Variants in MPRIP observed in about 807,000 individuals in gnomAD.
The protein encoded by MPRIP is myosin phosphatase Rho-interacting protein.
MPRIP carries 59 observed loss-of-function variants against 234.9 expected under a neutral mutation model. That is an observed-to-expected ratio of 0.25 (90% confidence interval 0.20 to 0.31). MPRIP has a LOEUF of 0.31. MPRIP is among the 10% of genes least tolerant of loss of function. The pLI, the probability that MPRIP is intolerant of heterozygous loss-of-function variation, is 1.00. For missense variants in MPRIP, 2,436 were observed against 3,071.0 expected (o/e 0.79, Z 4.89); for synonymous variants, 1,144 against 1,263.9 (o/e 0.91, Z 2.01).
At chr17:17,137,139 G>A (rs2090717648) in intron 6 of MPRIP, among the ~76,000 whole-genome samples, 1 of 152,136 alleles carries the variant, frequency 6.6e-6, no homozygotes, top group Non-Finnish European at 1.5e-5. Context: ...CTTCCTCTCA[G>A]GCCTATCCAT....
chr17:17,067,726 G>T (rs1656135177), intron 1 of MPRIP, among the ~76,000 whole-genome samples: 1 of 150,004 alleles, frequency 6.7e-6, no homozygotes. Flanking sequence ...TTTGGTTTTG[G>T]TGTCAGGGTA....
At chr17:17,157,995 G>C (rs914688794) in intron 13 of MPRIP, among the ~76,000 whole-genome samples, 1 of 152,196 alleles carries the variant, frequency 6.6e-6, no homozygotes, top group African/African-American at 2.4e-5. Context: ...CCCAGGTGCA[G>C]CCTAATGTAG....
At chr17:17,148,423 G>A (rs2045525977) in intron 11 of MPRIP, among the ~76,000 whole-genome samples, 1 of 152,182 alleles carries the variant, frequency 6.6e-6, no homozygotes, top group Non-Finnish European at 1.5e-5. Flanking sequence ...GGGAGGTAAA[G>A]CCACTAGCAC....
At chr17:17,069,845 G>A (rs1035290602) in intron 1 of MPRIP, among the ~76,000 whole-genome samples, 2 of 151,964 alleles carry the variant, frequency 1.3e-5, no homozygotes, top group Non-Finnish European at 2.9e-5. Flanking sequence ...ATTTTACTGT[G>A]TTCTTTCTTC....
intron 1 of MPRIP, among the ~76,000 whole-genome samples, chr17:17,065,437 G>A (rs1597738603): frequency 1.6e-5 from 2 of 124,618 alleles, no homozygotes; most frequent in African/African-American, 6.1e-5. Context: ...ACCATTTGTT[G>A]AAAGACTGTA....
At chr17:17,143,771 CTG>C in intron 9 of MPRIP, 102 bp downstream of exon 9, 3 of 682,766 alleles carry the variant, frequency 4.4e-6, no homozygotes, top group Non-Finnish European at 7.0e-6. Flanking sequence ...AGCTGTCCCT[CTG>C]TGCACAGGCC....
At chr17:17,172,961 C>CACCAGGAGCCAGGCAGCCGG (rs1597508852) in intron 18 of MPRIP, 146 bp downstream of exon 18, 1 of 657,384 alleles carries the variant, frequency 1.5e-6, no homozygotes, top group East Asian at 2.7e-5. Flanking sequence ...CTCAGATGCC[C>CACCAGGAGCCAGGCAGCCGG]TCTTGTCCAG....
chr17:17,136,675 G>A (rs2090707801), intron 6 of MPRIP, among the ~76,000 whole-genome samples: 1 of 152,232 alleles, frequency 6.6e-6, no homozygotes, highest in Non-Finnish European at 1.5e-5. Flanking sequence ...ATCTTTAAAG[G>A]AGGAAGACAG....
chr17:17,108,147 A>G (rs2090098873), intron 3 of MPRIP, among the ~76,000 whole-genome samples: 1 of 152,172 alleles, frequency 6.6e-6, no homozygotes, highest in African/African-American at 2.4e-5. Flanking sequence ...TGTGGCTGGC[A>G]TGGCCTTTCA....
intron 1 of MPRIP, among the ~76,000 whole-genome samples, chr17:17,049,160 C>T (rs976739051): frequency 2.6e-5 from 4 of 152,112 alleles, no homozygotes; most frequent in Non-Finnish European, 4.4e-5. Flanking sequence ...GAAAGCAGAT[C>T]GGTTGTTGCC....
In MPRIP at chr17:17,143,684, C is replaced by T. The variant is rs749784569; in HGVS notation, c.1503+15C>T. The T allele has an allele frequency of 1.4e-4, 214 of 1,551,596 alleles. 2 individuals are homozygous for T. Among genetic ancestry groups the T allele is most frequent in the Non-Finnish European group, 1.7e-4 (198 of 1,135,588 alleles). ...CCTCCGTGACGGTGAGCCCAGGCGC[C>T]GCGTCCTCCGGAGGCCGTGCTCCTC... On this transcript the variant is annotated intron_variant, in intron 9 of 23. Coordinates refer to ENST00000651222, the MANE Select transcript of MPRIP (RefSeq NM_001364716.4).
At position 17,102,847 on chromosome 17, in the gene MPRIP, G is replaced by C. The variant is rs369497322; in HGVS notation, c.268-23855G>C. Among the ~76,000 whole-genome samples, 27 of 152,368 alleles carry C rather than the reference G, an allele frequency of 1.8e-4. No individual in the cohort carries two copies. The East Asian group carries it at 5.0e-3, about 28-fold the overall frequency. Reference sequence around the variant, plus strand: ...GCTGGGCAACGTTGAGGTCGACACTGTGGACAGGCAGCTCCATGTAATTCT... The same window carrying C: ...GCTGGGCAACGTTGAGGTCGACACTCTGGACAGGCAGCTCCATGTAATTCT... On this transcript the variant is annotated intron_variant, in intron 3 of 23. Coordinates refer to ENST00000651222, the MANE Select transcript of MPRIP (RefSeq NM_001364716.4).
chr17:17,081,986 G>A (rs754276497), intron 3 of MPRIP, among the ~76,000 whole-genome samples: 1 of 152,198 alleles, frequency 6.6e-6, no homozygotes, highest in Non-Finnish European at 1.5e-5. Flanking sequence ...TTTTTCAGGA[G>A]TGGACAAAGC....
At chr17:17,172,672 T>G (rs746075959) in intron 17 of MPRIP, 26 bp from the exon 18 acceptor site, 1 of 1,595,042 alleles carries the variant, frequency 6.3e-7, no homozygotes, top group Non-Finnish European at 8.6e-7. Flanking sequence ...GGTCCCTCGG[T>G]GCTGAGGCCG....
chr17:17,139,873 C>T (rs1053662456), intron 7 of MPRIP, among the ~76,000 whole-genome samples: 16 of 152,228 alleles, frequency 1.1e-4, no homozygotes, highest in African/African-American at 2.9e-4. Context: ...CTCTGCTAAG[C>T]ACTTGGCTGC....
At chr17:17,057,585 G>T (rs2088740894) in intron 1 of MPRIP, 1 of 717,686 alleles carries the variant, frequency 1.4e-6, no homozygotes, top group East Asian at 2.7e-5. Flanking sequence ...AAAGGCCTTT[G>T]CTACGCTGTT....
intron 21 of MPRIP, among the ~76,000 whole-genome samples, 166 bp downstream of exon 21, chr17:17,176,678 G>A (rs1432682315): frequency 6.6e-6 from 1 of 152,212 alleles, no homozygotes; most frequent in African/African-American, 2.4e-5. Flanking sequence ...CAGCCTGCAG[G>A]CAGGTGCTGT....
intron 3 of MPRIP, among the ~76,000 whole-genome samples, chr17:17,113,659 C>T (rs188506246): frequency 6.6e-6 from 1 of 152,216 alleles, no homozygotes; most frequent in African/African-American, 2.4e-5. Flanking sequence ...TGGGTATATA[C>T]CTACAAGTGG....
At chr17:17,127,446 G>T (rs186026176) in intron 4 of MPRIP, among the ~76,000 whole-genome samples, 1 of 152,378 alleles carries the variant, frequency 6.6e-6, no homozygotes, top group Non-Finnish European at 1.5e-5. Flanking sequence ...GGCTCAGGTT[G>T]AGAGAGCCCA....
Sources: allele counts gnomAD v4.1 joint callset (sites outside exome capture counted in the v4.1 genomes callset), GRCh38; gene constraint gnomAD v4.1.1; transcripts MANE v1.5; gene names NCBI Gene and HGNC (gene_info 2026-07-23, HGNC 2026-07-21).